Variants in DNMT1 observed in about 807,000 individuals in gnomAD.
DNMT1 encodes DNA (cytosine-5)-methyltransferase 1.
DNMT1 carries 24 observed loss-of-function variants against 205.3 expected under a neutral mutation model. That is an observed-to-expected ratio of 0.12 (90% CI 0.08 to 0.16). The LOEUF (loss-of-function observed/expected upper bound fraction) is 0.16, where lower values mean the gene tolerates loss of function less well. DNMT1 is among the 10% of genes least tolerant of loss of function. The pLI is 1.00. For synonymous variants in DNMT1, 817 were observed against 839.8 expected (o/e 0.97, Z 0.47); for missense variants, 1,293 against 2,177.7 (o/e 0.59, Z 8.09).
intron 1 of DNMT1, among the ~76,000 whole-genome samples, chr19:10,189,962 A>G (rs1344587564): frequency 6.6e-6 from 1 of 152,008 alleles, no homozygotes; most frequent in Non-Finnish European, 1.5e-5. Context: ...CTTTTTATAG[A>G]TGAAACACCA....
At chr19:10,174,868 C>A (rs1174462589) in intron 7 of DNMT1, among the ~76,000 whole-genome samples, 1 of 151,432 alleles carries the variant, frequency 6.6e-6, no homozygotes, top group Non-Finnish European at 1.5e-5. Flanking sequence ...CCAGCCTGGG[C>A]AACATGGTGA....
chr19:10,166,062 T>G (rs146941397), intron 11 of DNMT1, among the ~76,000 whole-genome samples: 9 of 152,100 alleles, frequency 5.9e-5, no homozygotes, highest in African/African-American at 9.6e-5. Context: ...ATGACCTAGC[T>G]CCCTTCCCTA....
In DNMT1 at chr19:10,137,576, G is replaced by A. The variant is rs144820407; in HGVS notation, c.4293+256C>T. On this transcript the variant is annotated intron_variant, in intron 36 of 40. Coordinates refer to ENST00000359526, the MANE Select transcript of DNMT1 (RefSeq NM_001130823.3). This position sits in a 1 kb window ranked among gnomAD's most constrained non-coding sequence, Gnocchi z 6.4. ...GGCATCCTGGGAAAACATGCGGGGA[G>A]AGGCAGCAAGGGGGAAGGCAGTGGT... The A allele has an allele frequency of 7.1e-4, 459 of 646,826 alleles. No homozygotes were observed. The highest frequency in any genetic ancestry group is 1.1e-3 in the Non-Finnish European group (426 of 374,660). The allele number at this position is 646,826 out of a possible 1,614,324, so 40.1% of individuals were successfully genotyped here. A position where few individuals can be genotyped will look rare whatever the true frequency, so the allele number is the denominator to read the frequency against.
intron 1 of DNMT1, among the ~76,000 whole-genome samples, chr19:10,184,142 G>C (rs1460155995): frequency 2.0e-5 from 3 of 152,194 alleles, no homozygotes; most frequent in African/African-American, 7.2e-5. Flanking sequence ...CTCCAGTTGG[G>C]TCTGACAACA....
At chr19:10,167,585 G>A (rs1208207080) in intron 10 of DNMT1, among the ~76,000 whole-genome samples, 1 of 152,142 alleles carries the variant, frequency 6.6e-6, no homozygotes, top group Non-Finnish European at 1.5e-5. Flanking sequence ...ACCCAGCCTG[G>A]CCAAATTGCG....
At chr19:10,135,406 T>C (rs1351978673) in intron 39 of DNMT1, 2 of 390,742 alleles carry the variant, frequency 5.1e-6, no homozygotes, top group Non-Finnish European at 9.8e-6. Context: ...GAGAAGCAGG[T>C]AGGAATTAAG....
chr19:10,135,648 G>A (rs1413682271), intron 39 of DNMT1, 88 bp downstream of exon 39: 4 of 1,421,552 alleles, frequency 2.8e-6, no homozygotes, highest in Non-Finnish European at 3.9e-6. Flanking sequence ...CGTCCTCCCG[G>A]AAGTGACTGC....
rs61170762 is a variant in DNMT1, at chr19:10,169,386, CAAAAAAAA to C, written c.769-1030_769-1023del. 1.2e-4 allele frequency among the ~76,000 whole-genome samples: 10 copies of C among 80,942 alleles called. No homozygotes were observed. In the South Asian group the frequency reaches 3.9e-3, roughly 32 times the overall value. 53.1% of individuals were successfully genotyped at this position (80,942 alleles called of 152,430 possible). On this transcript the variant is annotated intron_variant, in intron 9 of 40. Transcript: ENST00000359526. ...TGAAACCCCGTCTCTACTAAAAATA[CAAAAAAAA>C]AAAAAAAAAAAAATTAGCCGGGCGT...
At chr19:10,152,600 G>T (rs1568233080) in intron 22 of DNMT1, among the ~76,000 whole-genome samples, 1 of 150,296 alleles carries the variant, frequency 6.7e-6, no homozygotes, top group South Asian at 2.1e-4. Context: ...TCTACAAAAT[G>T]TTTTTTTTTA....
At chr19:10,172,407 A>G (rs1224447653) in intron 9 of DNMT1, among the ~76,000 whole-genome samples, 1 of 145,420 alleles carries the variant, frequency 6.9e-6, no homozygotes, top group African/African-American at 2.5e-5. Flanking sequence ...CTCCATCTCA[A>G]AAAAAAAAAA....
Position 10,139,829 on chromosome 19 carries a change from A to G in DNMT1, c.3807-12T>C. The G allele has an allele frequency of 6.4e-7, 1 of 1,569,550 alleles. No homozygotes were observed. On this transcript the variant is annotated splice_polypyrimidine_tract_variant and intron_variant, in intron 33 of 40. Transcript: ENST00000359526. Reference sequence around the variant, plus strand: ...AGTAGTCGCAGTAGCTGTAGGGGGCAGGAGAGACTGCAGGAGTCACCTCCA... The same window carrying G: ...AGTAGTCGCAGTAGCTGTAGGGGGCGGGAGAGACTGCAGGAGTCACCTCCA...
intron 1 of DNMT1, among the ~76,000 whole-genome samples, chr19:10,183,125 A>ATATACGTGTGTATATATATATATTT (rs767124770): frequency 8.5e-6 from 1 of 117,482 alleles, no homozygotes; most frequent in East Asian, 3.8e-4. Context: ...ATATATATAT[A>ATATACGTGTGTATATATATATATTT]TTTTTTTTTT....
chr19:10,170,425 G>A (rs2038792177), intron 9 of DNMT1, among the ~76,000 whole-genome samples: 1 of 152,136 alleles, frequency 6.6e-6, no homozygotes, highest in African/African-American at 2.4e-5. Flanking sequence ...GATCACCTGG[G>A]GTCAGGAGTT....
At chr19:10,180,983 G>A (rs867875632) in intron 2 of DNMT1, 98 bp from the exon 3 acceptor site, 4 of 949,648 alleles carry the variant, frequency 4.2e-6, no homozygotes, top group Non-Finnish European at 3.4e-6. Flanking sequence ...ACATCACAAT[G>A]AGTGAATGGC....
At chr19:10,145,071 G>A (rs575277140) in intron 28 of DNMT1, among the ~76,000 whole-genome samples, 226 of 152,348 alleles carry the variant, frequency 1.5e-3, no homozygotes, top group African/African-American at 5.2e-3. Context: ...CCTGACTAAG[G>A]CTCTGATCTA....
At chr19:10,194,163 T>C (rs1012165192) in intron 1 of DNMT1, among the ~76,000 whole-genome samples, 3 of 152,160 alleles carry the variant, frequency 2.0e-5, no homozygotes, top group Non-Finnish European at 4.4e-5. Flanking sequence ...TGCGCTGCAA[T>C]GCACGGTTAA....
intron 19 of DNMT1, among the ~76,000 whole-genome samples, chr19:10,155,490 A>G (rs1391572816): frequency 6.6e-6 from 1 of 152,012 alleles, no homozygotes; most frequent in African/African-American, 2.4e-5. Flanking sequence ...GGTATGCACC[A>G]CCATGCGTGG....
chr19:10,178,054 C>G (rs375204486), intron 5 of DNMT1, among the ~76,000 whole-genome samples: 1 of 151,136 alleles, frequency 6.6e-6, no homozygotes, highest in East Asian at 2.0e-4. Flanking sequence ...GTCAAGAGAT[C>G]GAGACCATCC....
intron 33 of DNMT1, 94 bp downstream of exon 33, chr19:10,139,952 G>T: frequency 6.3e-7 from 1 of 1,595,624 alleles, no homozygotes; most frequent in Non-Finnish European, 8.5e-7. Context: ...CTTCCGGGGG[G>T]CAGAGGCCTC....
Sources: gnomAD v4.1 joint callset for allele counts (sites outside exome capture counted in the v4.1 genomes callset) on GRCh38, gnomAD v4.1.1 for gene constraint, Gnocchi (gnomAD v3.1) non-coding constraint, MANE v1.5 for transcripts, NCBI Gene and HGNC (gene_info 2026-07-23, HGNC 2026-07-21) for gene names.